DIS3L: variants seen among roughly 807,000 people sequenced by gnomAD.
The protein encoded by DIS3L is DIS3 like exosome 3'-5' exoribonuclease.
A neutral mutation model predicts 120.3 loss-of-function variants in DIS3L; 100 were observed. That is an observed-to-expected ratio of 0.83 (90% CI 0.71 to 0.98). The LOEUF (loss-of-function observed/expected upper bound fraction) is 0.98. DIS3L is among the 50% of genes least tolerant of loss of function. The pLI, the probability that DIS3L is intolerant of heterozygous loss-of-function variation, is 0.00. For missense variants in DIS3L, 1,196 were observed against 1,314.2 expected (o/e 0.91, Z 1.39); for synonymous variants, 426 against 470.6 (o/e 0.91, Z 1.23).
Position 66,311,786 on chromosome 15 carries a change from T to C in DIS3L, c.621T>C (p.Leu207=). 1 of 1,614,148 alleles carries C rather than the reference T, an allele frequency of 6.2e-7. No individual in the cohort carries two copies. Among genetic ancestry groups the C allele is most frequent in the Non-Finnish European group, 8.5e-7 (1 of 1,180,020 alleles). Residue 207 remains leucine, a synonymous_variant, in exon 5 of 17, where the codon CTT becomes CTC. Transcript: ENST00000319212. ...CCCACGAGCTTTGTGATTCTATCCTTCAGTCTCGACGGGAGAGAGAGAATG... is the reference window on the plus strand; with the variant it reads ...CCCACGAGCTTTGTGATTCTATCCTCCAGTCTCGACGGGAGAGAGAGAATG... ...KAAHELCDSI[L]QSRRERENES...
chr15:66,311,789 G>T lies in DIS3L; in HGVS notation c.624G>T (p.Gln208His), dbSNP rs377654815. The T allele has an allele frequency of 1.9e-6, 3 of 1,614,046 alleles. No individual in the cohort carries two copies. The highest frequency in any genetic ancestry group is 2.5e-6 in the Non-Finnish European group (3 of 1,180,028). Residue 208 changes from glutamine (Q) to histidine (H), a missense_variant, in exon 5 of 17, where the codon CAG (glutamine) becomes CAT (histidine). Gln to His is a conservative substitution (Grantham distance 24, BLOSUM62 0). Transcript: ENST00000319212. ...ACGAGCTTTGTGATTCTATCCTTCA[G>T]TCTCGACGGGAGAGAGAGAATGAGA... Reference protein sequence around the residue: ...AAHELCDSILQSRRERENESQ... With the variant: ...AAHELCDSILHSRRERENESQ...
intron 6 of DIS3L, among the ~76,000 whole-genome samples, chr15:66,314,350 AG>A (rs767272087): frequency 1.7e-4 from 26 of 152,224 alleles, no homozygotes; most frequent in Non-Finnish European, 3.7e-4. Flanking sequence ...AACTTGCCCA[AG>A]GTCACACACC....
At chr15:66,316,584 GGT>G (rs1368577175) in intron 7 of DIS3L, among the ~76,000 whole-genome samples, 1 of 152,170 alleles carries the variant, frequency 6.6e-6, no homozygotes, top group African/African-American at 2.4e-5. Flanking sequence ...GGGAAGCTGA[GGT>G]GGGTGGGTCA....
At chr15:66,303,927 A>G (rs1221541443) in intron 2 of DIS3L, among the ~76,000 whole-genome samples, 1 of 150,768 alleles carries the variant, frequency 6.6e-6, no homozygotes, top group Non-Finnish European at 1.5e-5. Flanking sequence ...CGTCGCTACT[A>G]AAAATACAAA....
chr15:66,331,405 AT>A (rs1450826654), intron 14 of DIS3L: 1 of 152,084 alleles, frequency 6.6e-6, no homozygotes, highest in Non-Finnish European at 1.5e-5. Flanking sequence ...AATACAAAAA[AT>A]TACCCGGGCG....
chr15:66,323,426 C>T (rs2092906006), intron 10 of DIS3L, 67 bp from the exon 11 acceptor site: 1 of 1,534,472 alleles, frequency 6.5e-7, no homozygotes, highest in Admixed American at 1.7e-5. Context: ...CTCCCTGCGG[C>T]CCACACAGTC....
Position 66,326,425 on chromosome 15 carries a change from C to T in DIS3L, c.2201+61C>T, listed in dbSNP as rs755796317. On this transcript the variant is annotated intron_variant, in intron 12 of 16. Transcript: ENST00000319212. ...GCATGCTGTATATTTAGTTATCTTA[C>T]AGTTGTTCTTAAAATGTGACAGCCA... is the stretch of plus-strand genomic sequence containing the variant. 4.0e-6 allele frequency: 6 copies of T among 1,514,638 alleles called. No individual in the cohort carries two copies. The Admixed American group carries it at 1.1e-4, about 27-fold the overall frequency. The allele number at this position is 1,514,638 out of a possible 1,614,324, so 93.8% of individuals were successfully genotyped here.
chr15:66,319,950 A>T (rs1595748163), intron 8 of DIS3L, among the ~76,000 whole-genome samples: 1 of 129,076 alleles, frequency 7.7e-6, no homozygotes, highest in African/African-American at 2.6e-5. Flanking sequence ...CCCCATTTCT[A>T]CTAAAAAAAA....
chr15:66,309,368 T>A (rs144317525), intron 4 of DIS3L, among the ~76,000 whole-genome samples: 2 of 151,984 alleles, frequency 1.3e-5, no homozygotes, highest in African/African-American at 4.8e-5. Flanking sequence ...AGTAAACTCC[T>A]ACTGACAGTA....
upstream of DIS3L, chr15:66,293,437 GC>G: frequency 8.4e-7 from 1 of 1,188,122 alleles, no homozygotes; most frequent in Non-Finnish European, 1.0e-6. Context: ...GGCCGGGAGG[GC>G]CGGGCCCCAG....
chr15:66,294,994 A>G lies in DIS3L; in HGVS notation c.146A>G (p.Lys49Arg), dbSNP rs557876063. Residue 49 changes from lysine to arginine, a missense_variant, in exon 2 of 17, where the codon AAA becomes AGA. By Grantham distance (26) the Lys-to-Arg change is conservative (BLOSUM62 2). Coordinates refer to ENST00000319212, the MANE Select transcript of DIS3L (RefSeq NM_001143688.3). ...ATTTTGAATTATGTTTCAGATGGGA[A>G]ACTCTTGTCTAGTGATGTGACTCAT... Reference protein sequence around the residue: ...PQPAACSHDGKLLSSDVTHYV... With the variant: ...PQPAACSHDGRLLSSDVTHYV... 13 of 1,610,586 alleles carry G rather than the reference A, an allele frequency of 8.1e-6. No individual in the cohort carries two copies. In the South Asian group the frequency reaches 1.2e-4, roughly 15 times the overall value.
chr15:66,297,383 C>G (rs1179145241), intron 2 of DIS3L, among the ~76,000 whole-genome samples: 1 of 152,098 alleles, frequency 6.6e-6, no homozygotes, highest in Non-Finnish European at 1.5e-5. Flanking sequence ...AACTTGAGCC[C>G]AGTTCAAGAC....
Position 66,318,522 on chromosome 15 carries a change from A to G in DIS3L, c.1068A>G (p.Gln356=), listed in dbSNP as rs767202929. ...CATTTCCGTCCAAAGAAGAGGTCCA[A>G]TCTCAGGGCAAAAATGCTCAGAAAA... The part of the protein sequence containing the change: ...VVTFPSKEEV[Q]SQGKNAQKIL... The change falls in exon 8 of 17, where the codon CAA becomes CAG. Residue 356 remains glutamine (Q), a synonymous_variant. Coordinates refer to ENST00000319212, the MANE Select transcript of DIS3L (RefSeq NM_001143688.3). 5 of 1,613,964 alleles carry G rather than the reference A, an allele frequency of 3.1e-6. No individual in the cohort carries two copies. The highest frequency in any genetic ancestry group is 2.5e-6 in the Non-Finnish European group (3 of 1,180,020).
At chr15:66,325,105 A>G (rs1457931633) in intron 11 of DIS3L, among the ~76,000 whole-genome samples, 1 of 152,212 alleles carries the variant, frequency 6.6e-6, no homozygotes, top group Non-Finnish European at 1.5e-5. Context: ...ATCAAAATAG[A>G]GGACATGGCC....
chr15:66,323,341 T>C (rs1171199321), intron 10 of DIS3L, 152 bp from the exon 11 acceptor site: 1 of 706,544 alleles, frequency 1.4e-6, no homozygotes, highest in East Asian at 2.6e-5. Flanking sequence ...GGGAATAGTT[T>C]TATTACCCAG....
At chr15:66,332,667 A>T (rs1187887055) in intron 15 of DIS3L, 69 bp from the exon 16 acceptor site, 7 of 1,384,576 alleles carry the variant, frequency 5.1e-6, no homozygotes, top group Non-Finnish European at 5.9e-6. Flanking sequence ...CTAGTATTCT[A>T]GATAAGCATA....
In DIS3L at chr15:66,329,349, A is replaced by G; in HGVS notation, c.2485A>G (p.Ser829Gly). The part of the protein sequence containing the change: ...KKMEIKGNLF[S>G]NKDLEELCRH... ...AATGGAAATTAAGGGAAATCTGTTCAGCAACAAAGATCTTGAGGAATTATG... is the reference window on the plus strand; with the variant it reads ...AATGGAAATTAAGGGAAATCTGTTCGGCAACAAAGATCTTGAGGAATTATG... The change falls in exon 14 of 17, where the codon AGC (serine) becomes GGC (glycine). Residue 829 changes from serine to glycine, a missense_variant. Ser to Gly is a moderately conservative substitution (Grantham distance 56, BLOSUM62 0). Transcript: ENST00000319212. 6.2e-7 allele frequency: 1 copy of G among 1,613,278 alleles called. No individual in the cohort carries two copies. Among genetic ancestry groups the G allele is most frequent in the Non-Finnish European group, 8.5e-7 (1 of 1,179,850 alleles).
intron 5 of DIS3L, among the ~76,000 whole-genome samples, chr15:66,313,725 A>G (rs2092786021): frequency 6.6e-6 from 1 of 151,798 alleles, no homozygotes; most frequent in African/African-American, 2.4e-5. Context: ...GCAGAACTCC[A>G]TCTCGACAAA....
chr15:66,328,096 G>A (rs2092957900), intron 12 of DIS3L, among the ~76,000 whole-genome samples: 1 of 152,158 alleles, frequency 6.6e-6, no homozygotes, highest in Non-Finnish European at 1.5e-5. Flanking sequence ...CATCCTCTTG[G>A]TTAATTCTTA....
Sources: allele counts gnomAD v4.1 joint callset (sites outside exome capture counted in the v4.1 genomes callset), GRCh38; gene constraint gnomAD v4.1.1; transcripts MANE v1.5; gene names NCBI Gene and HGNC (gene_info 2026-07-23, HGNC 2026-07-21).